SHANK2: variants seen among roughly 807,000 people sequenced by gnomAD.
The protein encoded by SHANK2 is SH3 and multiple ankyrin repeat domains protein 2.
Under a neutral mutation model 133.7 loss-of-function variants are expected in SHANK2, and 43 were observed. That is an observed-to-expected ratio of 0.32 (90% CI 0.25 to 0.41). SHANK2 has a LOEUF of 0.41. SHANK2 is among the 10% of genes least tolerant of loss of function. The probability of loss-of-function intolerance (pLI) is 1.00; values close to 1 mark genes in which losing one functional copy is unlikely to be tolerated. For synonymous variants in SHANK2, 1,017 were observed against 952.8 expected (o/e 1.07, Z -1.24); for missense variants, 1,994 against 2,235.8 (o/e 0.89, Z 2.18).
At chr11:71,191,620 C>A (rs192125591) in intron 2 of SHANK2, among the ~76,000 whole-genome samples, 1 of 152,098 alleles carries the variant, frequency 6.6e-6, no homozygotes, top group Non-Finnish European at 1.5e-5. Flanking sequence ...AGTGCAATGG[C>A]GTGATCTCAG....
chr11:71,085,615 T>C (rs1345090760), intron 8 of SHANK2, among the ~76,000 whole-genome samples: 11 of 78,464 alleles, frequency 1.4e-4, no homozygotes, highest in African/African-American at 5.8e-4. Flanking sequence ...AAATATATAT[T>C]ATATTATATA....
At chr11:71,111,349 C>T (rs1555099209) in intron 5 of SHANK2, among the ~76,000 whole-genome samples, 1 of 152,178 alleles carries the variant, frequency 6.6e-6, no homozygotes, top group African/African-American at 2.4e-5. Flanking sequence ...ATAGCGATGC[C>T]TGGTCCCCGA....
At chr11:70,537,525 G>T (rs1454184599) in intron 17 of SHANK2, among the ~76,000 whole-genome samples, 2 of 152,234 alleles carry the variant, frequency 1.3e-5, no homozygotes, top group East Asian at 3.9e-4. Flanking sequence ...CCAGAAGCTA[G>T]AAGTGGCAGG....
At chr11:71,192,020 C>G (rs1321042977) in intron 2 of SHANK2, among the ~76,000 whole-genome samples, 1 of 152,032 alleles carries the variant, frequency 6.6e-6, no homozygotes, top group Non-Finnish European at 1.5e-5. Flanking sequence ...AATACCATAC[C>G]TGGATAATTT....
Position 70,701,407 on chromosome 11 carries a change from T to G in SHANK2, c.1778-2644A>C, listed in dbSNP as rs573781498. Among the ~76,000 whole-genome samples the G allele has an allele frequency of 3.3e-5, 5 of 152,120 alleles. No individual in the cohort carries two copies. The South Asian group carries it at 1.0e-3, about 32-fold the overall frequency. ...TCAAAATTGTAAGAAAAAGGAATCTTTTTTTTTCTTTTGAGATGGAGTCTC... is the reference window on the plus strand; with the variant it reads ...TCAAAATTGTAAGAAAAAGGAATCTGTTTTTTTCTTTTGAGATGGAGTCTC... On this transcript the variant is annotated intron_variant, in intron 14 of 25. Coordinates refer to ENST00000601538, the MANE Select transcript of SHANK2 (RefSeq NM_012309.5).
Position 70,595,553 on chromosome 11 carries a change from C to T in SHANK2, c.2061+64275G>A, listed in dbSNP as rs144828706. Among the ~76,000 whole-genome samples the T allele has an allele frequency of 5.3e-5, 8 of 152,286 alleles. No homozygotes were observed. The East Asian group carries it at 1.5e-3, about 29-fold the overall frequency. On this transcript the variant is annotated intron_variant, in intron 17 of 25. Transcript: ENST00000601538. The stretch of plus-strand genomic sequence containing the variant: ...GCGACGGTGAACTGTGGCCTGGAGC[C>T]CAGCCTACAGCCCCTGTCACAGGAG...
At chr11:71,148,676 TA>T (rs1182592396) in intron 2 of SHANK2, among the ~76,000 whole-genome samples, 9 of 152,232 alleles carry the variant, frequency 5.9e-5, no homozygotes, top group African/African-American at 1.9e-4. Context: ...CCTGATTGTT[TA>T]GGGACCCCTT....
At chr11:70,826,530 G>A (rs782453064) in intron 11 of SHANK2, 3 of 471,122 alleles carry the variant, frequency 6.4e-6, no homozygotes, top group South Asian at 3.1e-5. Flanking sequence ...GCAGCGGTCC[G>A]CTCATTATAT....
In SHANK2 at chr11:70,739,264, G is replaced by A. The variant is rs1375280433; in HGVS notation, c.1778-40501C>T. ...ACACAAAGCCCAGACGCAGACCCGG[G>A]GCATCTCCCATCTCCACCCATCTCC... is the stretch of plus-strand genomic sequence containing the variant. On this transcript the variant is annotated intron_variant, in intron 14 of 25. Transcript: ENST00000601538. This position sits in a 1 kb window ranked among gnomAD's most constrained non-coding sequence, Gnocchi z 4.3. Among the ~76,000 whole-genome samples the A allele has an allele frequency of 6.6e-6, 1 of 152,104 alleles. No homozygotes were observed. The highest frequency in any genetic ancestry group is 1.5e-5 in the Non-Finnish European group (1 of 68,016).
chr11:70,896,703 A>C, intron 10 of SHANK2, 136 bp from the exon 11 acceptor site: 1 of 607,672 alleles, frequency 1.6e-6, no homozygotes, highest in Admixed American at 2.6e-5. Flanking sequence ...CAATATCAAC[A>C]CTCATCCACT....
At chr11:71,197,128 G>A (rs1953921456) in intron 2 of SHANK2, among the ~76,000 whole-genome samples, 1 of 152,128 alleles carries the variant, frequency 6.6e-6, no homozygotes, top group Non-Finnish European at 1.5e-5. Flanking sequence ...TCTCTGCCCT[G>A]GGAGACCATC....
chr11:70,880,045 C>T (rs143425738), intron 11 of SHANK2, among the ~76,000 whole-genome samples: 5 of 152,206 alleles, frequency 3.3e-5, no homozygotes, highest in Non-Finnish European at 7.3e-5. Flanking sequence ...CTCTCCAGTG[C>T]GAGGCCCAGG....
chr11:71,167,662 C>A (rs1251571709), intron 2 of SHANK2, among the ~76,000 whole-genome samples: 1 of 142,874 alleles, frequency 7.0e-6, no homozygotes, highest in African/African-American at 2.6e-5. Context: ...GCTGGCCGGG[C>A]GGGGGGCTGA....
chr11:70,546,011 G>C (rs553126956), intron 17 of SHANK2, among the ~76,000 whole-genome samples: 90 of 152,262 alleles, frequency 5.9e-4, no homozygotes, highest in Non-Finnish European at 1.8e-4. Flanking sequence ...GGGGCAAATG[G>C]GGGGTGCAGA....
At chr11:71,209,023 C>T (rs1400625955) in intron 2 of SHANK2, among the ~76,000 whole-genome samples, 1 of 152,220 alleles carries the variant, frequency 6.6e-6, no homozygotes, top group East Asian at 1.9e-4. Context: ...CACTCGGCCC[C>T]AATGTCAGGG....
intron 2 of SHANK2, among the ~76,000 whole-genome samples, chr11:71,218,498 G>C (rs1282145295): frequency 6.6e-6 from 1 of 152,026 alleles, no homozygotes. Flanking sequence ...CCCGACATCA[G>C]GTGATCCACC....
chr11:71,065,573 G>A (rs1951041805), intron 9 of SHANK2, among the ~76,000 whole-genome samples: 2 of 123,976 alleles, frequency 1.6e-5, no homozygotes, highest in South Asian at 3.0e-4. Flanking sequence ...AGGGGTGTGT[G>A]CAGAACTCTT....
intron 11 of SHANK2, among the ~76,000 whole-genome samples, chr11:70,881,770 C>T (rs897805193): frequency 1.3e-5 from 2 of 151,070 alleles, no homozygotes; most frequent in Non-Finnish European, 1.5e-5. Flanking sequence ...TGCTCTGTTG[C>T]CCAGGCTACA....
intron 12 of SHANK2, among the ~76,000 whole-genome samples, chr11:70,816,392 G>C (rs1431813089): frequency 6.6e-6 from 1 of 152,224 alleles, no homozygotes; most frequent in Non-Finnish European, 1.5e-5. Flanking sequence ...ATGGGCAGCT[G>C]CTCCACCCTT....
Sources: gnomAD v4.1 joint callset for allele counts (sites outside exome capture counted in the v4.1 genomes callset) on GRCh38, gnomAD v4.1.1 for gene constraint, Gnocchi (gnomAD v3.1) non-coding constraint, MANE v1.5 for transcripts, NCBI Gene and HGNC (gene_info 2026-07-23, HGNC 2026-07-21) for gene names.